AUH: variants seen among roughly 807,000 people sequenced by gnomAD.
AUH encodes the protein AU RNA binding methylglutaconyl-CoA hydratase.
AUH carries 29 observed loss-of-function variants against 42.3 expected under a neutral mutation model. The ratio of observed to expected loss-of-function variants is 0.69; its 90% CI spans 0.51 to 0.93. The LOEUF (loss-of-function observed/expected upper bound fraction) is 0.93, where lower values mean the gene tolerates loss of function less well. Among genes scored for constraint, AUH ranks in the 40% least tolerant of loss-of-function variants. AUH has a pLI of 0.00. For synonymous variants in AUH, 174 were observed against 166.4 expected, an observed-to-expected ratio of 1.05 and a Z score of -0.35; for missense variants, 452 against 438.1, an observed-to-expected ratio of 1.03 and a Z score of -0.28.
chr9:91,309,958 C>A (rs1343612423), intron 4 of AUH, among the ~76,000 whole-genome samples: 1 of 152,076 alleles, frequency 6.6e-6, no homozygotes, highest in Non-Finnish European at 1.5e-5. Context: ...CTACAGTAAC[C>A]CCCTAGGTGT....
chr9:91,299,180 T>C (rs1476960120), intron 4 of AUH, among the ~76,000 whole-genome samples: 3 of 151,976 alleles, frequency 2.0e-5, no homozygotes, highest in Non-Finnish European at 4.4e-5. Context: ...GATCGTGCCA[T>C]TGCACTCCAG....
intron 6 of AUH, 72 bp downstream of exon 6, chr9:91,295,949 C>T (rs1285415513): frequency 6.5e-7 from 1 of 1,538,824 alleles, no homozygotes; most frequent in African/African-American, 1.4e-5. Context: ...TTCCAATTAA[C>T]ATGATTTTGC....
At chr9:91,292,976 G>C (rs149188008) in intron 6 of AUH, among the ~76,000 whole-genome samples, 4 of 152,024 alleles carry the variant, frequency 2.6e-5, no homozygotes, top group African/African-American at 9.6e-5. Flanking sequence ...TTTCATTATT[G>C]TATCTCTTAT....
At chr9:91,292,373 G>A (rs1342027290) in intron 6 of AUH, among the ~76,000 whole-genome samples, 1 of 151,366 alleles carries the variant, frequency 6.6e-6, no homozygotes, top group African/African-American at 2.4e-5. Context: ...CCACCATCTG[G>A]GTTCAAGCAA....
intron 6 of AUH, among the ~76,000 whole-genome samples, chr9:91,253,890 A>G (rs1395685277): frequency 6.6e-6 from 1 of 152,270 alleles, no homozygotes; most frequent in Non-Finnish European, 1.5e-5. Context: ...GGTATGAAAT[A>G]AAGCACAATT....
chr9:91,345,521 T>C (rs1223015982), intron 3 of AUH, among the ~76,000 whole-genome samples: 1 of 152,094 alleles, frequency 6.6e-6, no homozygotes, highest in Non-Finnish European at 1.5e-5. Flanking sequence ...TAACAGACAG[T>C]GCGGTATTGG....
At chr9:91,268,722 G>A (rs887781775) in intron 6 of AUH, among the ~76,000 whole-genome samples, 2 of 152,068 alleles carry the variant, frequency 1.3e-5, no homozygotes, top group South Asian at 2.1e-4. Flanking sequence ...GAGCCACCAC[G>A]CCCGGCCCAT....
intron 6 of AUH, among the ~76,000 whole-genome samples, chr9:91,268,825 C>T (rs1210200443): frequency 6.6e-6 from 1 of 152,172 alleles, no homozygotes; most frequent in African/African-American, 2.4e-5. Flanking sequence ...TAAATCCATA[C>T]ATATTCAATT....
rs563504308 is a variant in AUH, at chr9:91,303,801, C to T, written c.506-5725G>A. Among the ~76,000 whole-genome samples the T allele has an allele frequency of 1.2e-4, 19 of 152,252 alleles. 1 individual carries two copies. The South Asian group carries it at 3.7e-3, about 30-fold the overall frequency. ...AGTTAACTGAAAATTACAATAAATA[C>T]CTAATTATCTTTCATTTTGGCTAAA... is the stretch of plus-strand genomic sequence containing the variant. On this transcript the variant is annotated intron_variant, in intron 4 of 9. Transcript: ENST00000375731.
intron 4 of AUH, 114 bp from the exon 5 acceptor site, chr9:91,298,190 C>CT (rs1268610189): frequency 1.3e-5 from 10 of 766,310 alleles, no homozygotes; most frequent in Non-Finnish European, 1.8e-5. Flanking sequence ...CATATACAGA[C>CT]TTTTGTATCC....
chr9:91,218,121 C>T (rs1826932584), intron 7 of AUH, among the ~76,000 whole-genome samples: 1 of 152,156 alleles, frequency 6.6e-6, no homozygotes, highest in Non-Finnish European at 1.5e-5. Context: ...ACAAGGTAGG[C>T]TCTAAACAAC....
At chr9:91,356,001 A>C in intron 2 of AUH, 31 bp from the exon 3 acceptor site, 1 of 1,604,288 alleles carries the variant, frequency 6.2e-7, no homozygotes, top group East Asian at 2.2e-5. Context: ...TAGGAGGAAA[A>C]AGAGAAAAAA....
rs572180719 is a variant in AUH, at chr9:91,255,573, T to C, written c.656-34581A>G. ...GGGCTGATTAAGATAAAGATAAATA[T>C]AGTAACAGATGCATAAGTCTGAAAT... On this transcript the variant is annotated intron_variant, in intron 6 of 9. Transcript: ENST00000375731. Among the ~76,000 whole-genome samples, 20 of 151,822 alleles carry C rather than the reference T, an allele frequency of 1.3e-4. No individual in the cohort carries two copies. In the South Asian group the frequency reaches 3.9e-3, roughly 30 times the overall value.
intron 6 of AUH, among the ~76,000 whole-genome samples, chr9:91,276,953 G>A (rs1257332643): frequency 1.3e-5 from 2 of 152,182 alleles, no homozygotes; most frequent in African/African-American, 2.4e-5. Flanking sequence ...GGGAAGCTGA[G>A]GTGGGAAAAT....
At chr9:91,284,712 T>C (rs1463366857) in intron 6 of AUH, among the ~76,000 whole-genome samples, 1 of 151,982 alleles carries the variant, frequency 6.6e-6, no homozygotes, top group Non-Finnish European at 1.5e-5. Flanking sequence ...CATGAAAAAA[T>C]GCTGTATCAC....
chr9:91,268,084 A>C (rs903715081), intron 6 of AUH, among the ~76,000 whole-genome samples: 12 of 152,198 alleles, frequency 7.9e-5, no homozygotes, highest in African/African-American at 2.4e-4. Context: ...CTAAAACCCC[A>C]CAGAGTCAAC....
intron 6 of AUH, among the ~76,000 whole-genome samples, chr9:91,221,578 GCT>G (rs2131219951): frequency 6.6e-6 from 1 of 152,170 alleles, no homozygotes; most frequent in Admixed American, 6.5e-5. Flanking sequence ...TCTCGGAGAC[GCT>G]CTCTCACACA....
chr9:91,300,870 C>T (rs1260652915), intron 4 of AUH, among the ~76,000 whole-genome samples: 2 of 152,208 alleles, frequency 1.3e-5, no homozygotes, highest in Non-Finnish European at 2.9e-5. Context: ...TCTGTCGAGG[C>T]TCAAATGTCC....
In AUH at chr9:91,254,552, G is replaced by A. The variant is rs578034849; in HGVS notation, c.656-33560C>T. On this transcript the variant is annotated intron_variant, in intron 6 of 9. Transcript: ENST00000375731. ...TCCAGAGTTTAACTGTAAGATGCTGGATTAGCTCTGAGGGCAGGTAACAGA... is the reference window on the plus strand; with the variant it reads ...TCCAGAGTTTAACTGTAAGATGCTGAATTAGCTCTGAGGGCAGGTAACAGA... Among the ~76,000 whole-genome samples, 14 of 152,312 alleles carry A rather than the reference G, an allele frequency of 9.2e-5. No individual in the cohort carries two copies. In the South Asian group the frequency reaches 2.9e-3, roughly 32 times the overall value.
Sources: allele counts gnomAD v4.1 joint callset (sites outside exome capture counted in the v4.1 genomes callset), GRCh38; gene constraint gnomAD v4.1.1; transcripts MANE v1.5; gene names NCBI Gene and HGNC (gene_info 2026-07-23, HGNC 2026-07-21).